The following GRIK2 variants were observed in gnomAD, a reference collection of about 807,000 sequenced individuals.
GRIK2 encodes the protein glutamate ionotropic receptor kainate type subunit 2, also known as glutamate receptor ionotropic, kainate 2.
In GRIK2, 32 loss-of-function variants were observed where a neutral mutation model predicts 100.3. The observed-to-expected ratio is 0.32, with a 90% CI of 0.24 to 0.43. GRIK2 has a LOEUF of 0.43. Among genes scored for constraint, GRIK2 ranks in the 20% least tolerant of loss-of-function variants. The pLI is 1.00. For synonymous variants in GRIK2, 417 were observed against 389.4 expected (o/e 1.07, Z -0.83); for missense variants, 843 against 1,114.9 (o/e 0.76, Z 3.47).
intron 2 of GRIK2, among the ~76,000 whole-genome samples, chr6:101,606,989 A>G (rs886388578): frequency 6.6e-6 from 1 of 151,974 alleles, no homozygotes; most frequent in African/African-American, 2.4e-5. Flanking sequence ...CTTTTACTCA[A>G]ATTAGGAATA....
rs1370870249 is a variant in GRIK2 at position 101,622,124 on chromosome 6, A to G, written c.283+8A>G. ...TTGAAGCATCCAAGAAAGGTAATTG[A>G]TAGATTTTTAACATCTTTGTTTCCT... On this transcript the variant is annotated splice_region_variant and intron_variant, in intron 3 of 16. Coordinates refer to ENST00000369134, the MANE Select transcript of GRIK2 (RefSeq NM_021956.5). 1 of 1,523,030 alleles carries G rather than the reference A, an allele frequency of 6.6e-7. No homozygotes were observed. Among genetic ancestry groups the G allele is most frequent in the Admixed American group, 1.8e-5 (1 of 55,170 alleles). The allele number at this position is 1,523,030 out of a possible 1,614,324, so 94.3% of individuals were successfully genotyped here.
chr6:101,707,328 A>C (rs2128356469), intron 7 of GRIK2, among the ~76,000 whole-genome samples: 1 of 151,450 alleles, frequency 6.6e-6, no homozygotes, highest in South Asian at 2.1e-4. Flanking sequence ...ATAAGCAAGT[A>C]TGGAAAATAA....
Position 102,009,864 on chromosome 6 carries a change from A to G in GRIK2, c.2086-25477A>G, listed in dbSNP as rs1795432247. On this transcript the variant is annotated intron_variant, in intron 14 of 16. Transcript: ENST00000369134. ...GAGTGTATGCAGTCTTCTGGGAAAA[A>G]CCATTAATAAGTATTACCTTGTTAA... Among the ~76,000 whole-genome samples the G allele has an allele frequency of 2.0e-5, 3 of 152,086 alleles. 1 individual carries two copies. The South Asian group carries it at 6.2e-4, about 32-fold the overall frequency.
In GRIK2 at chr6:101,719,741, CCAGATAA is replaced by C. The variant is rs1774343903; in HGVS notation, c.951+33392_951+33398del. 6.6e-5 allele frequency among the ~76,000 whole-genome samples: 10 copies of C among 152,056 alleles called. No homozygotes were observed. The South Asian group carries it at 2.1e-3, about 31-fold the overall frequency. ...TAGGAGGCGATTAAGGCCCCCTCTG[CCAGATAA>C]CAGCTCACTGGAGGGAAGTAATGGT... On this transcript the variant is annotated intron_variant, in intron 7 of 16. Transcript: ENST00000369134.
At chr6:101,602,565 T>A (rs868360387) in intron 2 of GRIK2, among the ~76,000 whole-genome samples, 1 of 151,590 alleles carries the variant, frequency 6.6e-6, no homozygotes, top group Middle Eastern at 3.4e-3. Context: ...AGTTTTTTTT[T>A]AAAGAAATGG....
At chr6:101,421,897 T>C (rs1234314154) in intron 2 of GRIK2, among the ~76,000 whole-genome samples, 1 of 152,178 alleles carries the variant, frequency 6.6e-6, no homozygotes, top group African/African-American at 2.4e-5. Flanking sequence ...TAGAAAATAA[T>C]TTGATGGAAA....
chr6:101,931,752 A>G lies in GRIK2; in HGVS notation c.2085+3120A>G, dbSNP rs569608792. On this transcript the variant is annotated intron_variant, in intron 14 of 16. Coordinates refer to ENST00000369134, the MANE Select transcript of GRIK2 (RefSeq NM_021956.5). ...TGGAAAAAATAATTCAAAATAGGAG[A>G]TAGTGGTTCTCACATTATTTTCATG... Among the ~76,000 whole-genome samples the G allele has an allele frequency of 3.9e-5, 6 of 152,262 alleles. 2 individuals are homozygous for G. The highest frequency in any genetic ancestry group is 1.4e-4 in the African/African-American group (6 of 41,570).
intron 2 of GRIK2, among the ~76,000 whole-genome samples, chr6:101,574,620 C>G: frequency 6.6e-6 from 1 of 151,478 alleles, no homozygotes; most frequent in Non-Finnish European, 1.5e-5. Flanking sequence ...TGTTTTCGGA[C>G]TACCTACTAC....
At chr6:101,816,551 C>A (rs1041419881) in intron 9 of GRIK2, among the ~76,000 whole-genome samples, 1 of 151,898 alleles carries the variant, frequency 6.6e-6, no homozygotes, top group Non-Finnish European at 1.5e-5. Context: ...ATTAGCCGAG[C>A]GTGTTGGCGG....
Position 102,011,059 on chromosome 6 carries a change from T to G in GRIK2, c.2086-24282T>G, listed in dbSNP as rs559731005. Among the ~76,000 whole-genome samples, 35 of 152,248 alleles carry G rather than the reference T, an allele frequency of 2.3e-4. No homozygotes were observed. The East Asian group carries it at 6.4e-3, about 28-fold the overall frequency. On this transcript the variant is annotated intron_variant, in intron 14 of 16. Transcript: ENST00000369134. ...TCGTTAGGGTGAATATCAAGAAACATGATTGCTGGATTATATGAGAAGAGT... is the reference window on the plus strand; with the variant it reads ...TCGTTAGGGTGAATATCAAGAAACAGGATTGCTGGATTATATGAGAAGAGT...
At chr6:101,850,861 A>C (rs1366692352) in intron 10 of GRIK2, among the ~76,000 whole-genome samples, 1 of 152,050 alleles carries the variant, frequency 6.6e-6, no homozygotes, top group Non-Finnish European at 1.5e-5. Flanking sequence ...TATTCAATGA[A>C]CTTGGTATGT....
At chr6:101,925,845 T>G (rs1789853989) in intron 13 of GRIK2, among the ~76,000 whole-genome samples, 1 of 152,034 alleles carries the variant, frequency 6.6e-6, no homozygotes. Context: ...ATGTTTAATT[T>G]TATGCAGAAA....
chr6:101,894,560 TCTC>T (rs1423643035), intron 12 of GRIK2, among the ~76,000 whole-genome samples: 1 of 151,664 alleles, frequency 6.6e-6, no homozygotes, highest in Admixed American at 6.6e-5. Flanking sequence ...CTAAATGTTT[TCTC>T]CTCCTTTTTC....
intron 14 of GRIK2, among the ~76,000 whole-genome samples, chr6:102,021,192 T>G (rs1769405029): frequency 6.6e-6 from 1 of 151,910 alleles, no homozygotes; most frequent in African/African-American, 2.4e-5. Context: ...GTTCAAATAC[T>G]ATTGTATTAC....
chr6:102,028,880 AT>A (rs1769842916), intron 14 of GRIK2, among the ~76,000 whole-genome samples: 1 of 151,092 alleles, frequency 6.6e-6, no homozygotes, highest in Admixed American at 6.6e-5. Flanking sequence ...AAAGAAAAAT[AT>A]TTTAACTATT....
chr6:101,676,270 T>C (rs965285655), intron 4 of GRIK2, among the ~76,000 whole-genome samples: 3 of 152,172 alleles, frequency 2.0e-5, no homozygotes, highest in African/African-American at 4.8e-5. Flanking sequence ...TTTTTATACA[T>C]TTAAGTTATT....
At chr6:102,041,444 C>G (rs1448013404) in intron 15 of GRIK2, among the ~76,000 whole-genome samples, 1 of 151,228 alleles carries the variant, frequency 6.6e-6, no homozygotes, top group African/African-American at 2.4e-5. Flanking sequence ...TGAGGAGTCA[C>G]TCTTATTAGA....
chr6:101,940,583 T>C (rs1458927641), intron 14 of GRIK2, among the ~76,000 whole-genome samples: 2 of 152,162 alleles, frequency 1.3e-5, no homozygotes, highest in Admixed American at 1.3e-4. Context: ...GCCTAATGTG[T>C]TGCCCCTGCT....
chr6:101,799,305 G>GTGTGTGTGTGTGTGTGTA (rs10601554), intron 7 of GRIK2, among the ~76,000 whole-genome samples: 1 of 149,530 alleles, frequency 6.7e-6, no homozygotes, highest in African/African-American at 2.5e-5. Flanking sequence ...GTGTGTGTGT[G>GTGTGTGTGTGTGTGTGTA]TATAAGTGAG....
Sources: allele counts gnomAD v4.1 joint callset (sites outside exome capture counted in the v4.1 genomes callset), GRCh38; gene constraint gnomAD v4.1.1; transcripts MANE v1.5; gene names NCBI Gene and HGNC (gene_info 2026-07-23, HGNC 2026-07-21).